The following ZZZ3 variants were observed in gnomAD, a reference collection of about 807,000 sequenced individuals.
ZZZ3 encodes zinc finger ZZ-type containing 3.
In ZZZ3, 22 loss-of-function variants were observed where a neutral mutation model predicts 95.2. The observed-to-expected ratio is 0.23, with a 90% CI of 0.17 to 0.33. ZZZ3 has a LOEUF of 0.33. Ranked by LOEUF, ZZZ3 falls within the 10% of genes least tolerant of loss-of-function variation. ZZZ3 has a pLI of 1.00. For synonymous variants in ZZZ3, 335 were observed against 358.9 expected, an observed-to-expected ratio of 0.93 and a Z score of 0.75; for missense variants, 885 against 1,066.5, an observed-to-expected ratio of 0.83 and a Z score of 2.37.
rs889220300 is a variant in ZZZ3 at position 77,643,171 on chromosome 1, G to GA, written c.-402-1517dup. 4.2e-3 allele frequency among the ~76,000 whole-genome samples: 564 copies of GA among 134,764 alleles called. 3 individuals carry two copies. Among genetic ancestry groups the GA allele is most frequent in the African/African-American group, 0.014 (509 of 36,716 alleles). 88.4% of individuals were successfully genotyped at this position (134,764 alleles called of 152,430 possible). On this transcript the variant is annotated intron_variant, in intron 1 of 14. Transcript: ENST00000370801. The stretch of plus-strand genomic sequence containing the variant: ...ACTGCATTCCAGCCTGGGTAACAAA[G>GA]AAAAAAAAAAAGAAAAAACCGATCT...
At chr1:77,621,033 C>A (rs71641308) in intron 5 of ZZZ3, among the ~76,000 whole-genome samples, 1 of 151,958 alleles carries the variant, frequency 6.6e-6, no homozygotes, top group African/African-American at 2.4e-5. Context: ...ATACTGCCAG[C>A]GAAAAATAAT....
chr1:77,636,828 G>A (rs1668350520), intron 4 of ZZZ3, among the ~76,000 whole-genome samples: 1 of 151,406 alleles, frequency 6.6e-6, no homozygotes. Context: ...TGAAAACACT[G>A]ATTAATATAA....
chr1:77,593,423 A>C (rs979668512), intron 5 of ZZZ3, among the ~76,000 whole-genome samples: 6 of 152,264 alleles, frequency 3.9e-5, no homozygotes, highest in African/African-American at 1.4e-4. Context: ...AACATAATGT[A>C]TTACAAATGA....
chr1:77,619,191 A>T (rs989730240), intron 5 of ZZZ3, among the ~76,000 whole-genome samples: 2 of 152,164 alleles, frequency 1.3e-5, no homozygotes, highest in Non-Finnish European at 2.9e-5. Flanking sequence ...CAAATACATA[A>T]AAGTTTCATA....
intron 5 of ZZZ3, among the ~76,000 whole-genome samples, chr1:77,611,531 C>A (rs973318051): frequency 1.3e-5 from 2 of 151,840 alleles, no homozygotes; most frequent in African/African-American, 4.8e-5. Context: ...CCAAAGCAAT[C>A]TTGAGCAAAA....
intron 5 of ZZZ3, among the ~76,000 whole-genome samples, chr1:77,594,457 G>C (rs1331288861): frequency 6.6e-6 from 1 of 152,094 alleles, no homozygotes; most frequent in East Asian, 1.9e-4. Context: ...CTTTAATGCT[G>C]TCCCATAGCA....
chr1:77,613,461 TAA>T (rs200156851), intron 5 of ZZZ3, among the ~76,000 whole-genome samples: 37 of 141,656 alleles, frequency 2.6e-4, no homozygotes, highest in East Asian at 4.0e-4. Flanking sequence ...TCCACGCCTT[TAA>T]AAAAAAAAAA....
intron 1 of ZZZ3, among the ~76,000 whole-genome samples, chr1:77,649,938 C>A (rs1330331873): frequency 1.3e-5 from 2 of 151,448 alleles, no homozygotes; most frequent in Admixed American, 1.3e-4. Flanking sequence ...AAAAATATAC[C>A]AATATACTGT....
chr1:77,634,985 T>G (rs778785278), intron 4 of ZZZ3, among the ~76,000 whole-genome samples: 2 of 152,182 alleles, frequency 1.3e-5, no homozygotes, highest in Non-Finnish European at 2.9e-5. Context: ...TCCTCCTGCC[T>G]TTGGTCATCA....
At chr1:77,634,128 C>T (rs1668079229) in intron 4 of ZZZ3, among the ~76,000 whole-genome samples, 11 of 151,930 alleles carry the variant, frequency 7.2e-5, no homozygotes. Flanking sequence ...CGAGATCATG[C>T]CACTGCACTC....
chr1:77,573,076 C>T (rs1306712464), intron 12 of ZZZ3, among the ~76,000 whole-genome samples: 1 of 152,076 alleles, frequency 6.6e-6, no homozygotes, highest in East Asian at 1.9e-4. Context: ...TTAAGTACCT[C>T]TTAAATAATT....
At chr1:77,568,084 C>G (rs1007848946) in intron 13 of ZZZ3, among the ~76,000 whole-genome samples, 4 of 152,042 alleles carry the variant, frequency 2.6e-5, no homozygotes, top group Admixed American at 6.6e-5. Context: ...AATACTGCAG[C>G]CTGGCCAACA....
intron 1 of ZZZ3, among the ~76,000 whole-genome samples, chr1:77,643,688 G>A (rs1557756547): frequency 6.6e-6 from 1 of 152,128 alleles, no homozygotes; most frequent in Non-Finnish European, 1.5e-5. Context: ...AATAGATTAC[G>A]TGATCTCAGA....
chr1:77,614,118 T>A (rs1666079304), intron 5 of ZZZ3, among the ~76,000 whole-genome samples: 1 of 152,202 alleles, frequency 6.6e-6, no homozygotes, highest in South Asian at 2.1e-4. Flanking sequence ...AAATATTTTT[T>A]AAATATGCTT....
chr1:77,681,729 T>C (rs537526309), intron 1 of ZZZ3, among the ~76,000 whole-genome samples: 3 of 152,004 alleles, frequency 2.0e-5, no homozygotes, highest in African/African-American at 7.2e-5. Flanking sequence ...CCGTCTCTAC[T>C]AAAAACACAA....
intron 5 of ZZZ3, among the ~76,000 whole-genome samples, chr1:77,596,741 G>A (rs186916599): frequency 4.3e-4 from 66 of 152,178 alleles, no homozygotes; most frequent in African/African-American, 1.6e-3. Flanking sequence ...TGATACTGAT[G>A]TCCATATATA....
intron 5 of ZZZ3, among the ~76,000 whole-genome samples, chr1:77,622,516 G>A (rs1181803361): frequency 6.6e-6 from 1 of 151,730 alleles, no homozygotes; most frequent in African/African-American, 2.4e-5. Flanking sequence ...GATTGAAAAA[G>A]AACATATTCA....
intron 5 of ZZZ3, 120 bp from the exon 6 acceptor site, chr1:77,584,775 G>T (rs1662923764): frequency 1.5e-6 from 1 of 683,436 alleles, no homozygotes; most frequent in Non-Finnish European, 2.2e-6. Flanking sequence ...ACCTGAAAGA[G>T]TTTAGTAAAA....
intron 10 of ZZZ3, among the ~76,000 whole-genome samples, 194 bp downstream of exon 10, chr1:77,579,333 C>T (rs974362909): frequency 3.3e-5 from 5 of 152,064 alleles, no homozygotes; most frequent in African/African-American, 1.2e-4. Flanking sequence ...TCGTAATGAT[C>T]CAAAGCAGAA....
Sources: allele counts gnomAD v4.1 joint callset (sites outside exome capture counted in the v4.1 genomes callset), GRCh38; gene constraint gnomAD v4.1.1; transcripts MANE v1.5; gene names NCBI Gene and HGNC (gene_info 2026-07-23, HGNC 2026-07-21).